The following CPED1 variants were observed in gnomAD, a reference collection of about 807,000 sequenced individuals.
CPED1 encodes the protein cadherin like and PC-esterase domain containing 1, also known as cadherin-like and PC-esterase domain-containing protein 1.
Under a neutral mutation model 128.2 loss-of-function variants are expected in CPED1, and 114 were observed. That is an observed-to-expected ratio of 0.89 (90% CI 0.76 to 1.04). CPED1 has a LOEUF of 1.04. Among genes scored for constraint, CPED1 ranks in the 50% least tolerant of loss-of-function variants. The pLI is 0.00. For missense variants in CPED1, 1,211 were observed against 1,207.1 expected (o/e 1.00, Z -0.05); for synonymous variants, 462 against 426.7 (o/e 1.08, Z -1.02).
intron 3 of CPED1, among the ~76,000 whole-genome samples, chr7:121,020,947 C>A (rs957343234): frequency 1.1e-4 from 17 of 151,874 alleles, no homozygotes; most frequent in African/African-American, 4.1e-4. Context: ...GATGTCATAT[C>A]TTGGTTCATA....
intron 5 of CPED1, among the ~76,000 whole-genome samples, chr7:121,071,645 G>A (rs1157321868): frequency 6.6e-6 from 1 of 151,790 alleles, no homozygotes; most frequent in Non-Finnish European, 1.5e-5. Context: ...CCTCCCAAGG[G>A]GCTGAGACTA....
At chr7:121,159,264 AG>A (rs555319815) in intron 16 of CPED1, among the ~76,000 whole-genome samples, 1 of 152,324 alleles carries the variant, frequency 6.6e-6, no homozygotes, top group South Asian at 2.1e-4. Flanking sequence ...TTTCAGAAAG[AG>A]AAAAAGACAT....
chr7:121,027,031 G>T (rs1210865070), intron 3 of CPED1, among the ~76,000 whole-genome samples: 1 of 149,930 alleles, frequency 6.7e-6, no homozygotes, highest in African/African-American at 2.5e-5. Flanking sequence ...GTAGAGAGGG[G>T]AATCTCACTA....
intron 16 of CPED1, among the ~76,000 whole-genome samples, chr7:121,158,102 T>C (rs992794416): frequency 4.6e-5 from 7 of 152,210 alleles, no homozygotes; most frequent in African/African-American, 1.7e-4. Flanking sequence ...CCTACATTGG[T>C]AATCTGCAAA....
intron 7 of CPED1, among the ~76,000 whole-genome samples, chr7:121,111,110 G>A (rs1191383261): frequency 6.6e-6 from 1 of 152,100 alleles, no homozygotes; most frequent in South Asian, 2.1e-4. Flanking sequence ...TGAGGAGGTG[G>A]AGAGGCACAC....
intron 16 of CPED1, among the ~76,000 whole-genome samples, chr7:121,184,792 GTTAC>G (rs2116508577): frequency 6.6e-6 from 1 of 152,160 alleles, no homozygotes; most frequent in East Asian, 1.9e-4. Context: ...GAATAAATAG[GTTAC>G]TTTTGCTCTT....
chr7:121,072,143 A>G (rs923211139), intron 5 of CPED1, among the ~76,000 whole-genome samples: 11 of 150,602 alleles, frequency 7.3e-5, no homozygotes, highest in African/African-American at 2.7e-4. Flanking sequence ...CTAGCGCTTA[A>G]GCCACCAACC....
chr7:121,129,305 A>ATACG (rs1554438781), intron 11 of CPED1, among the ~76,000 whole-genome samples: 96 of 5,624 alleles, frequency 0.017, 2 homozygotes, highest in African/African-American at 0.021. Context: ...ATATATATAT[A>ATACG]TATATACGTA....
intron 10 of CPED1, among the ~76,000 whole-genome samples, chr7:121,127,685 A>G (rs180889373): frequency 9.7e-4 from 146 of 151,276 alleles, no homozygotes; most frequent in Non-Finnish European, 1.7e-3. Context: ...ACAGGCATGC[A>G]CCACCAAACC....
chr7:121,155,486 A>G (rs949532070), intron 16 of CPED1, among the ~76,000 whole-genome samples: 6 of 152,242 alleles, frequency 3.9e-5, no homozygotes, highest in Non-Finnish European at 8.8e-5. Context: ...TAACAAGAAC[A>G]TCATAGTACT....
chr7:121,249,325 A>C (rs1297820406), intron 18 of CPED1, among the ~76,000 whole-genome samples: 1 of 152,130 alleles, frequency 6.6e-6, no homozygotes, highest in African/African-American at 2.4e-5. Flanking sequence ...AACATGGAGA[A>C]CTCCAGCTAT....
intron 6 of CPED1, among the ~76,000 whole-genome samples, chr7:121,099,449 C>T (rs999013847): frequency 1.3e-5 from 2 of 152,122 alleles, no homozygotes; most frequent in African/African-American, 2.4e-5. Context: ...CTCAGTGCAA[C>T]CTGCGCCTCC....
intron 7 of CPED1, among the ~76,000 whole-genome samples, chr7:121,106,902 TA>T (rs1436261786): frequency 6.6e-6 from 1 of 152,098 alleles, no homozygotes; most frequent in Non-Finnish European, 1.5e-5. Context: ...AACAAGTTTA[TA>T]AAATAAACAA....
At chr7:121,158,277 AT>A (rs1796336771) in intron 16 of CPED1, among the ~76,000 whole-genome samples, 1 of 152,220 alleles carries the variant, frequency 6.6e-6, no homozygotes, top group Non-Finnish European at 1.5e-5. Flanking sequence ...TGAAAAAATA[AT>A]GATTTGTGTA....
At chr7:121,222,074 A>T (rs1450307517) in intron 16 of CPED1, among the ~76,000 whole-genome samples, 2 of 151,486 alleles carry the variant, frequency 1.3e-5, no homozygotes, top group Non-Finnish European at 1.5e-5. Flanking sequence ...TCTTCTAGAA[A>T]TTTTATGGTT....
At chr7:121,119,526 A>G (rs984065664) in intron 7 of CPED1, among the ~76,000 whole-genome samples, 2 of 149,140 alleles carry the variant, frequency 1.3e-5, no homozygotes, top group Non-Finnish European at 3.0e-5. Flanking sequence ...GTTACTTCAG[A>G]TTCATTTTAA....
intron 7 of CPED1, among the ~76,000 whole-genome samples, chr7:121,114,321 C>A (rs528877178): frequency 2.0e-5 from 3 of 152,212 alleles, no homozygotes; most frequent in Admixed American, 1.3e-4. Context: ...CTCTGCATTC[C>A]CCCCATAAAG....
chr7:121,203,397 T>C (rs1797445756), intron 16 of CPED1, among the ~76,000 whole-genome samples: 2 of 152,090 alleles, frequency 1.3e-5, no homozygotes, highest in South Asian at 4.1e-4. Context: ...ATCACCCCCA[T>C]GTTAAAAAAT....
intron 16 of CPED1, among the ~76,000 whole-genome samples, chr7:121,181,550 A>T (rs550392905): frequency 1.3e-5 from 2 of 152,268 alleles, no homozygotes; most frequent in African/African-American, 4.8e-5. Flanking sequence ...AAAAATTTAT[A>T]TGTCAGCAAG....
Sources: allele counts gnomAD v4.1 joint callset (sites outside exome capture counted in the v4.1 genomes callset), GRCh38; gene constraint gnomAD v4.1.1; transcripts MANE v1.5; gene names NCBI Gene and HGNC (gene_info 2026-07-23, HGNC 2026-07-21).